The following CAMK1D variants were observed in gnomAD, a reference collection of about 807,000 sequenced individuals.
CAMK1D encodes the protein calcium/calmodulin-dependent protein kinase type 1D.
In CAMK1D, 9 loss-of-function variants were observed where a neutral mutation model predicts 47.7. That is an observed-to-expected ratio of 0.19 (90% CI 0.11 to 0.33). CAMK1D has a LOEUF of 0.33. CAMK1D is among the 10% of genes least tolerant of loss of function. The pLI is 1.00. For synonymous variants in CAMK1D, 184 were observed against 184.9 expected (o/e 0.99, Z 0.04); for missense variants, 291 against 488.7 (o/e 0.60, Z 3.81).
At chr10:12,404,320 C>T (rs879314186) in intron 1 of CAMK1D, among the ~76,000 whole-genome samples, 52 of 152,196 alleles carry the variant, frequency 3.4e-4, no homozygotes, top group Non-Finnish European at 6.2e-4. Context: ...GCTGGGATTA[C>T]AGGCGTGAGC....
At chr10:12,682,240 CAAAAA>C (rs1236960216) in intron 3 of CAMK1D, among the ~76,000 whole-genome samples, 1 of 133,802 alleles carries the variant, frequency 7.5e-6, no homozygotes, top group Non-Finnish European at 1.7e-5. Context: ...CAAAACAAAA[CAAAAA>C]AAAGTTAGTT....
chr10:12,410,379 T>C (rs889947987), intron 1 of CAMK1D, among the ~76,000 whole-genome samples: 2 of 152,182 alleles, frequency 1.3e-5, no homozygotes, highest in African/African-American at 4.8e-5. Flanking sequence ...CTGAAGATAA[T>C]ACAGGTGCAG....
chr10:12,374,097 TA>T (rs1407388114), intron 1 of CAMK1D, among the ~76,000 whole-genome samples: 1 of 150,376 alleles, frequency 6.6e-6, no homozygotes, highest in African/African-American at 2.4e-5. Flanking sequence ...CCGTCTCTAC[TA>T]AAAATATAGA....
chr10:12,633,765 C>G (rs1000812584), intron 2 of CAMK1D, among the ~76,000 whole-genome samples: 3 of 152,120 alleles, frequency 2.0e-5, no homozygotes, highest in Non-Finnish European at 4.4e-5. Context: ...CTATGTTGCC[C>G]AGGCTGGTCT....
At chr10:12,600,491 A>G (rs1053752831) in intron 2 of CAMK1D, among the ~76,000 whole-genome samples, 1 of 152,212 alleles carries the variant, frequency 6.6e-6, no homozygotes, top group Non-Finnish European at 1.5e-5. Flanking sequence ...AGGAAATTCC[A>G]AGCACCTTAA....
rs1554796845 is a variant in CAMK1D, at chr10:12,611,609, T to TTTTTTTTTTTTTTTTTG, written c.225-55127_225-55126insTTTTTTTTTTTTTTTTG. Among the ~76,000 whole-genome samples the TTTTTTTTTTTTTTTTTG allele has an allele frequency of 2.8e-4, 35 of 124,744 alleles. 1 individual carries two copies. Among genetic ancestry groups the TTTTTTTTTTTTTTTTTG allele is most frequent in the Admixed American group, 4.7e-4 (5 of 10,708 alleles). 81.8% of individuals were successfully genotyped at this position (124,744 alleles called of 152,430 possible). A position where few individuals can be genotyped will look rare whatever the true frequency, so the allele number is the denominator to read the frequency against. ...ATGCCTTTTTTTTTTTTTTTTTTTT[T>TTTTTTTTTTTTTTTTTG]GAGACAGAGTCTTACTCTGTCTCCC... On this transcript the variant is annotated intron_variant, in intron 2 of 10. Coordinates refer to ENST00000619168, the MANE Select transcript of CAMK1D (RefSeq NM_153498.4).
At chr10:12,619,222 G>T (rs1460274823) in intron 2 of CAMK1D, among the ~76,000 whole-genome samples, 1 of 152,104 alleles carries the variant, frequency 6.6e-6, no homozygotes, top group Non-Finnish European at 1.5e-5. Context: ...TGGCATTACT[G>T]TTATCCCTGT....
chr10:12,583,522 C>T (rs1837723047), intron 2 of CAMK1D, among the ~76,000 whole-genome samples: 1 of 151,916 alleles, frequency 6.6e-6, no homozygotes, highest in Non-Finnish European at 1.5e-5. Flanking sequence ...CTGCCACACT[C>T]TGTGCTTTGA....
chr10:12,600,482 G>T (rs1838270219), intron 2 of CAMK1D, among the ~76,000 whole-genome samples: 1 of 152,194 alleles, frequency 6.6e-6, no homozygotes, highest in African/African-American at 2.4e-5. Context: ...TTGATTCCAA[G>T]GAAATTCCAA....
rs1268280133 is a variant in CAMK1D at position 12,828,707 on chromosome 10, T to C, written c.1040-62T>C. On this transcript the variant is annotated intron_variant, in intron 10 of 10. Coordinates refer to ENST00000619168, the MANE Select transcript of CAMK1D (RefSeq NM_153498.4). ...ACCCAGCCCCTCTGACACCTGGCAG[T>C]GGGAAGCAGGGTGAGAATTTACCTC... 3.0e-6 allele frequency: 4 copies of C among 1,332,772 alleles called. No individual in the cohort carries two copies. The African/African-American group carries it at 5.7e-5, about 19-fold the overall frequency. The allele number at this position is 1,332,772 out of a possible 1,614,324, so 82.6% of individuals were successfully genotyped here.
At chr10:12,720,232 A>G (rs1031190269) in intron 3 of CAMK1D, among the ~76,000 whole-genome samples, 62 of 152,306 alleles carry the variant, frequency 4.1e-4, no homozygotes, top group African/African-American at 1.4e-3. Context: ...TCATGACTTG[A>G]ATTAGGGTAT....
At position 12,704,261 on chromosome 10, in the gene CAMK1D, T is replaced by C. The variant is rs190724627; in HGVS notation, c.299+37451T>C. Among the ~76,000 whole-genome samples, 112 of 152,308 alleles carry C rather than the reference T, an allele frequency of 7.4e-4. 2 individuals are homozygous for C. The highest frequency in any genetic ancestry group is 6.7e-3 in the East Asian group (35 of 5,194). On this transcript the variant is annotated intron_variant, in intron 3 of 10. Coordinates refer to ENST00000619168, the MANE Select transcript of CAMK1D (RefSeq NM_153498.4). Reference sequence around the variant, plus strand: ...ATATTGTTTATGTAAAACCCTTGGCTGTTATCAGCATTTCATATAAATGTA... The same window carrying C: ...ATATTGTTTATGTAAAACCCTTGGCCGTTATCAGCATTTCATATAAATGTA...
At chr10:12,796,953 A>T (rs568164566) in intron 6 of CAMK1D, among the ~76,000 whole-genome samples, 1 of 152,364 alleles carries the variant, frequency 6.6e-6, no homozygotes, top group African/African-American at 2.4e-5. Flanking sequence ...GTGCCTCACA[A>T]GGTAATTGGA....
intron 3 of CAMK1D, among the ~76,000 whole-genome samples, chr10:12,681,424 C>T (rs1840990493): frequency 6.6e-6 from 1 of 152,262 alleles, no homozygotes; most frequent in Non-Finnish European, 1.5e-5. Flanking sequence ...GCAGATGCAA[C>T]ACCTGACCGC....
At chr10:12,523,041 G>A (rs1020101548) in intron 1 of CAMK1D, among the ~76,000 whole-genome samples, 14 of 151,242 alleles carry the variant, frequency 9.3e-5, no homozygotes, top group East Asian at 2.0e-4. Flanking sequence ...GGTGGCTGCC[G>A]GGCGGAGACG....
chr10:12,510,250 A>G (rs1422189857), intron 1 of CAMK1D, among the ~76,000 whole-genome samples: 1 of 152,150 alleles, frequency 6.6e-6, no homozygotes, highest in Non-Finnish European at 1.5e-5. Flanking sequence ...ACTCATCTCC[A>G]CTAAAAAATA....
intron 2 of CAMK1D, among the ~76,000 whole-genome samples, chr10:12,558,364 G>A (rs1326667871): frequency 6.6e-6 from 1 of 152,124 alleles, no homozygotes; most frequent in Non-Finnish European, 1.5e-5. Flanking sequence ...GACCATCCTG[G>A]CCAAGGTGGT....
chr10:12,435,479 C>G (rs938673379), intron 1 of CAMK1D, among the ~76,000 whole-genome samples: 12 of 152,030 alleles, frequency 7.9e-5, no homozygotes, highest in Non-Finnish European at 1.5e-4. Context: ...GGCTGGAGTT[C>G]CTGTTACCTC....
At chr10:12,719,654 T>C (rs1834294224) in intron 3 of CAMK1D, among the ~76,000 whole-genome samples, 1 of 152,026 alleles carries the variant, frequency 6.6e-6, no homozygotes. Flanking sequence ...AACCACTCAC[T>C]AGGAAACTGA....
Sources: gnomAD v4.1 joint callset for allele counts (sites outside exome capture counted in the v4.1 genomes callset) on GRCh38, gnomAD v4.1.1 for gene constraint, MANE v1.5 for transcripts, NCBI Gene and HGNC (gene_info 2026-07-23, HGNC 2026-07-21) for gene names.